MAK16: variants seen among roughly 807,000 people sequenced by gnomAD.
The protein encoded by MAK16 is protein MAK16 homolog.
Under a neutral mutation model 49.9 loss-of-function variants are expected in MAK16, and 12 were observed. The observed-to-expected ratio is 0.24, with a 90% CI of 0.15 to 0.39. The LOEUF is 0.39. Among genes scored for constraint, MAK16 ranks in the 10% least tolerant of loss-of-function variants. The pLI is 1.00. For missense variants in MAK16, 292 were observed against 363.7 expected (o/e 0.80, Z 1.60); for synonymous variants, 115 against 126.4 (o/e 0.91, Z 0.60).
chr8:33,489,174 C>T lies in MAK16; in HGVS notation c.392+35C>T, dbSNP rs745939703. 1.5e-4 allele frequency: 233 copies of T among 1,570,140 alleles called. No homozygotes were observed. Among genetic ancestry groups the T allele is most frequent in the Non-Finnish European group, 1.7e-4 (199 of 1,152,342 alleles). ...TGGATCATTCATTATTTTTAAATCT[C>T]TCTTTTTATGGAGCTTGTTTTGAAG... On this transcript the variant is annotated intron_variant, in intron 5 of 9. Transcript: ENST00000360128. This position sits in a 1 kb window ranked among gnomAD's most constrained non-coding sequence, Gnocchi z 4.2.
At position 33,496,751 on chromosome 8, in the gene MAK16, G is replaced by A. The variant is rs1808866134; in HGVS notation, c.639+10G>A. The A allele has an allele frequency of 6.3e-7, 1 of 1,590,546 alleles. No individual in the cohort carries two copies. Among genetic ancestry groups the A allele is most frequent in the Non-Finnish European group, 8.6e-7 (1 of 1,166,100 alleles). Reference sequence around the variant, plus strand: ...TGATGATGATGAGGAAGTAAGTCTTGTTTTTGTTTTGCCAAACCTACTAGA... The same window carrying A: ...TGATGATGATGAGGAAGTAAGTCTTATTTTTGTTTTGCCAAACCTACTAGA... On this transcript the variant is annotated intron_variant, in intron 8 of 9. Coordinates refer to ENST00000360128, the MANE Select transcript of MAK16 (RefSeq NM_032509.4).
intron 7 of MAK16, among the ~76,000 whole-genome samples, chr8:33,496,248 G>C (rs1808856684): frequency 6.6e-6 from 1 of 152,004 alleles, no homozygotes; most frequent in Non-Finnish European, 1.5e-5. Flanking sequence ...TTTGAAATAA[G>C]TTTTTATTCT....
rs535448674 is a variant in MAK16, at chr8:33,489,850, T to G, written c.393-435T>G. Among the ~76,000 whole-genome samples the G allele has an allele frequency of 3.9e-5, 6 of 152,204 alleles. No homozygotes were observed. Among genetic ancestry groups the G allele is most frequent in the Non-Finnish European group, 8.8e-5 (6 of 68,036 alleles). ...TAACAGAATACCTTCTCTAGGACTG[T>G]TAGGCCCTAATGCTTTTTGACTGTG... On this transcript the variant is annotated intron_variant, in intron 5 of 9. Transcript: ENST00000360128. The surrounding 1 kb of genome is among the most constrained non-coding windows in gnomAD (Gnocchi z 4.2).
At position 33,496,690 on chromosome 8, in the gene MAK16, G is replaced by A; in HGVS notation, c.588G>A (p.Glu196=). ...FDKALEQQEA[E]SDSSDTEEKD... is the part of the protein sequence containing the mutation. ...AAGCCCTGGAACAACAGGAGGCAGA[G>A]AGTGACTCTTCAGATACTGAGGAAA... The change falls in exon 8 of 10, where the codon GAG becomes GAA. Residue 196 remains glutamate, a synonymous_variant. Transcript: ENST00000360128. The A allele has an allele frequency of 1.9e-6, 3 of 1,613,538 alleles. No homozygotes were observed. The highest frequency in any genetic ancestry group is 2.5e-6 in the Non-Finnish European group (3 of 1,179,808).
At position 33,500,593 on chromosome 8, in the gene MAK16, A is replaced by G. The variant is rs1224365530; in HGVS notation, c.*1964A>G. On this transcript the variant is annotated 3_prime_UTR_variant, in exon 10 of 10. Coordinates refer to ENST00000360128, the MANE Select transcript of MAK16 (RefSeq NM_032509.4). The stretch of plus-strand genomic sequence containing the variant: ...GTGGAAAGCTATCATTTCCTAAATT[A>G]AGGAACTTAGGTCAAAGTTAAATGA... 1.4e-6 allele frequency: 2 copies of G among 1,403,720 alleles called. No homozygotes were observed. Among genetic ancestry groups the G allele is most frequent in the African/African-American group, 2.9e-5 (2 of 68,664 alleles). 87.0% of individuals were successfully genotyped at this position (1,403,720 alleles called of 1,614,324 possible). A position where few individuals can be genotyped will look rare whatever the true frequency, so the allele number is the denominator to read the frequency against.
intron 7 of MAK16, 133 bp from the exon 8 acceptor site, chr8:33,496,492 T>C (rs1808859521): frequency 1.6e-6 from 1 of 615,400 alleles, no homozygotes; most frequent in African/African-American, 1.9e-5. Flanking sequence ...GGCTCTACAC[T>C]TAAAAATATT....
At chr8:33,485,396 T>C in intron 1 of MAK16, 175 bp downstream of exon 1, 1 of 809,770 alleles carries the variant, frequency 1.2e-6, no homozygotes, top group Non-Finnish European at 2.0e-6. Context: ...AGCAGGGGTT[T>C]ACTGCCCGCT....
chr8:33,495,469 A>G, intron 6 of MAK16, 73 bp from the exon 7 acceptor site: 1 of 1,254,600 alleles, frequency 8.0e-7, no homozygotes, highest in South Asian at 1.3e-5. Context: ...ACAACTTGGT[A>G]GTTTCTTCCA....
At chr8:33,492,688 C>T (rs1157910103) in intron 6 of MAK16, among the ~76,000 whole-genome samples, 4 of 152,040 alleles carry the variant, frequency 2.6e-5, no homozygotes, top group Admixed American at 6.5e-5. Flanking sequence ...GCACGTTTGT[C>T]GAAAATGAGT....
intron 6 of MAK16, among the ~76,000 whole-genome samples, chr8:33,493,215 G>A (rs1808804542): frequency 6.6e-6 from 1 of 152,270 alleles, no homozygotes. Context: ...ATGCAGTGGT[G>A]CAGTTTTGGC....
chr8:33,488,334 C>G, intron 1 of MAK16, 44 bp from the exon 2 acceptor site: 2 of 1,595,028 alleles, frequency 1.3e-6, no homozygotes, highest in Non-Finnish European at 1.7e-6. Flanking sequence ...TATAGTATCT[C>G]TTGGGGCAGA....
chr8:33,498,657 C>A lies in MAK16; in HGVS notation c.*28C>A. Reference sequence around the variant, plus strand: ...TCCCTTTCAGCATTTATACCCAGGACTGAACATGCAGAACTGTTTTTTTTT... The same window carrying A: ...TCCCTTTCAGCATTTATACCCAGGAATGAACATGCAGAACTGTTTTTTTTT... On this transcript the variant is annotated 3_prime_UTR_variant, in exon 10 of 10. Transcript: ENST00000360128. 3 of 1,515,284 alleles carry A rather than the reference C, an allele frequency of 2.0e-6. No homozygotes were observed. Among genetic ancestry groups the A allele is most frequent in the Non-Finnish European group, 1.8e-6 (2 of 1,104,200 alleles). The allele number at this position is 1,515,284 out of a possible 1,614,324, so 93.9% of individuals were successfully genotyped here.
intron 6 of MAK16, 44 bp downstream of exon 6, chr8:33,490,383 TG>T (rs766250954): frequency 6.5e-7 from 1 of 1,536,184 alleles, no homozygotes; most frequent in South Asian, 1.1e-5. Context: ...ATTTTCTTTC[TG>T]GGGGTCTCTT....
In MAK16 at chr8:33,496,687, A is replaced by G. The variant is rs764943307; in HGVS notation, c.585A>G (p.Ala195=). ...AFDKALEQQE[A]ESDSSDTEEK... is the part of the protein sequence containing the mutation. ...ACAAAGCCCTGGAACAACAGGAGGC[A>G]GAGAGTGACTCTTCAGATACTGAGG... The change falls in exon 8 of 10, where the codon GCA becomes GCG. Residue 195 remains alanine (A), a synonymous_variant. Coordinates refer to ENST00000360128, the MANE Select transcript of MAK16 (RefSeq NM_032509.4). 4.3e-6 allele frequency: 7 copies of G among 1,613,706 alleles called. No homozygotes were observed. The highest frequency in any genetic ancestry group is 5.1e-6 in the Non-Finnish European group (6 of 1,179,832).
At chr8:33,488,880 A>G in intron 4 of MAK16, 82 bp downstream of exon 4, 1 of 1,598,430 alleles carries the variant, frequency 6.3e-7, no homozygotes. Context: ...CAATTCCATG[A>G]CCATTAACTT....
At chr8:33,492,984 TTTTC>T (rs1165655740) in intron 6 of MAK16, among the ~76,000 whole-genome samples, 3 of 152,042 alleles carry the variant, frequency 2.0e-5, no homozygotes, top group South Asian at 2.1e-4. Flanking sequence ...TCATTGGTAT[TTTTC>T]TTTTTTTTAT....
chr8:33,496,716 AAG>A lies in MAK16; in HGVS notation c.616_617del (p.Asp206Ter). ...AGTGACTCTTCAGATACTGAGGAAA[AAG>A]ATGATGATGATGATGATGAGGAAGT... On this transcript the variant is annotated frameshift_variant, in exon 8 of 10. Coordinates refer to ENST00000360128, the MANE Select transcript of MAK16 (RefSeq NM_032509.4). LOFTEE classifies it high-confidence loss of function. The A allele has an allele frequency of 6.2e-7, 1 of 1,611,566 alleles. No homozygotes were observed. Among genetic ancestry groups the A allele is most frequent in the Admixed American group, 1.7e-5 (1 of 59,718 alleles).
rs932635008 is a variant in MAK16, at chr8:33,490,209, TC to T, written c.393-74del. 1.3e-5 allele frequency: 16 copies of T among 1,258,774 alleles called. No homozygotes were observed. In the African/African-American group the frequency reaches 2.1e-4, roughly 16 times the overall value. 78.0% of individuals were successfully genotyped at this position (1,258,774 alleles called of 1,614,324 possible). On this transcript the variant is annotated intron_variant, in intron 5 of 9. Coordinates refer to ENST00000360128, the MANE Select transcript of MAK16 (RefSeq NM_032509.4). Reference sequence around the variant, plus strand: ...CTTCCATTTTAGTCACCAATTCCAATCCTTTTTTCTTCTCATCCTTAAAAAG... The same window carrying T: ...CTTCCATTTTAGTCACCAATTCCAATCTTTTTTCTTCTCATCCTTAAAAAG...
At chr8:33,494,336 A>G (rs143663159) in intron 6 of MAK16, among the ~76,000 whole-genome samples, 486 of 152,264 alleles carry the variant, frequency 3.2e-3, no homozygotes, top group African/African-American at 0.011. Flanking sequence ...CGACCTCTCA[A>G]AGTGCTGGGA....
Sources: allele counts gnomAD v4.1 joint callset (sites outside exome capture counted in the v4.1 genomes callset), GRCh38; gene constraint gnomAD v4.1.1; non-coding constraint Gnocchi (gnomAD v3.1); transcripts MANE v1.5; gene names NCBI Gene and HGNC (gene_info 2026-07-23, HGNC 2026-07-21).